CARMIL1: variants seen among roughly 807,000 people sequenced by gnomAD.
The protein encoded by CARMIL1 is F-actin-uncapping protein LRRC16A.
Under a neutral mutation model 177.1 loss-of-function variants are expected in CARMIL1, and 90 were observed. The ratio of observed to expected loss-of-function variants is 0.51; its 90% confidence interval spans 0.43 to 0.61. The LOEUF (loss-of-function observed/expected upper bound fraction) is 0.61. Among genes scored for constraint, CARMIL1 ranks in the 20% least tolerant of loss-of-function variants. The pLI is 0.00. For missense variants in CARMIL1, 1,380 were observed against 1,667.0 expected, an observed-to-expected ratio of 0.83 and a Z score of 3.00; for synonymous variants, 577 against 606.2, an observed-to-expected ratio of 0.95 and a Z score of 0.71.
rs184811769 is a variant in CARMIL1 at position 25,342,640 on chromosome 6, A to G, written c.138+57731A>G. On this transcript the variant is annotated intron_variant, in intron 2 of 36. Transcript: ENST00000329474. ...TTTATTTTATGTACTTATTATTACT[A>G]AGTTTTCTAGCACCTCCCAACTCAT... is the stretch of plus-strand genomic sequence containing the variant. 2.6e-3 allele frequency among the ~76,000 whole-genome samples: 401 copies of G among 152,218 alleles called. 2 individuals carry two copies. Among genetic ancestry groups the G allele is most frequent in the African/African-American group, 8.2e-3 (341 of 41,530 alleles).
At chr6:25,490,597 T>C (rs1384905312) in intron 13 of CARMIL1, among the ~76,000 whole-genome samples, 1 of 151,778 alleles carries the variant, frequency 6.6e-6, no homozygotes, top group African/African-American at 2.4e-5. Context: ...ACTCAGGAGG[T>C]TGAAGCGGGA....
intron 2 of CARMIL1, among the ~76,000 whole-genome samples, chr6:25,408,421 C>T (rs564705362): frequency 1.3e-5 from 2 of 151,796 alleles, no homozygotes; most frequent in East Asian, 1.9e-4. Flanking sequence ...ACAAGAAGGC[C>T]GAAGAATTCA....
chr6:25,578,323 T>A (rs1352037313), intron 29 of CARMIL1, among the ~76,000 whole-genome samples: 1 of 152,196 alleles, frequency 6.6e-6, no homozygotes, highest in East Asian at 1.9e-4. Context: ...CAGATTGTTT[T>A]CTTTTTCTGG....
chr6:25,439,194 G>A (rs554977084), intron 5 of CARMIL1, among the ~76,000 whole-genome samples: 2 of 151,894 alleles, frequency 1.3e-5, no homozygotes, highest in South Asian at 4.2e-4. Flanking sequence ...TGGGGGGTGG[G>A]ATCTGTAGCC....
chr6:25,578,205 T>C (rs75580845), intron 29 of CARMIL1, among the ~76,000 whole-genome samples: 6,880 of 152,176 alleles, frequency 0.045, 221 homozygotes, highest in Non-Finnish European at 0.076. Flanking sequence ...CATTAACAAA[T>C]GTCAGGGAAA....
intron 11 of CARMIL1, among the ~76,000 whole-genome samples, chr6:25,474,297 A>G (rs1306257027): frequency 6.7e-6 from 1 of 149,180 alleles, no homozygotes; most frequent in Non-Finnish European, 1.5e-5. Flanking sequence ...TTTTTTTTTT[A>G]GTAGAGATGG....
intron 2 of CARMIL1, chr6:25,388,171 CAA>C (rs1324932964): frequency 1.3e-5 from 2 of 151,688 alleles, no homozygotes; most frequent in Non-Finnish European, 2.9e-5. Flanking sequence ...TTCTTGATGT[CAA>C]GTTATGTTGG....
At chr6:25,614,293 T>G (rs1476214394) in intron 36 of CARMIL1, among the ~76,000 whole-genome samples, 1 of 152,200 alleles carries the variant, frequency 6.6e-6, no homozygotes, top group Non-Finnish European at 1.5e-5. Context: ...AAGCAAAGTC[T>G]ACAGGACAAG....
At chr6:25,610,701 G>A (rs182044563) in intron 36 of CARMIL1, among the ~76,000 whole-genome samples, 8 of 152,308 alleles carry the variant, frequency 5.3e-5, no homozygotes, top group Non-Finnish European at 8.8e-5. Flanking sequence ...TTCTCAGGGC[G>A]ACCCTGCACC....
chr6:25,449,420 G>C (rs1208348282), intron 5 of CARMIL1, among the ~76,000 whole-genome samples: 1 of 152,154 alleles, frequency 6.6e-6, no homozygotes, highest in Non-Finnish European at 1.5e-5. Context: ...TATGTTCTCT[G>C]CCCCAGAAGA....
intron 32 of CARMIL1, among the ~76,000 whole-genome samples, chr6:25,598,146 A>T (rs1037327068): frequency 2.0e-5 from 3 of 152,108 alleles, no homozygotes; most frequent in Non-Finnish European, 4.4e-5. Context: ...AGCCATTTCA[A>T]TCTGGAAACT....
chr6:25,359,135 T>G (rs1202721350), intron 2 of CARMIL1, among the ~76,000 whole-genome samples: 9 of 152,176 alleles, frequency 5.9e-5, no homozygotes, highest in Non-Finnish European at 1.5e-5. Context: ...TAGAAGGCTC[T>G]CTCTTGGCTT....
At chr6:25,319,582 C>T (rs1784530385) in intron 2 of CARMIL1, among the ~76,000 whole-genome samples, 1 of 151,846 alleles carries the variant, frequency 6.6e-6, no homozygotes, top group South Asian at 2.1e-4. Flanking sequence ...GTCTAACTGC[C>T]CTAATCTAAT....
intron 2 of CARMIL1, among the ~76,000 whole-genome samples, chr6:25,374,234 T>A (rs891015402): frequency 6.6e-5 from 10 of 152,230 alleles, no homozygotes; most frequent in African/African-American, 2.4e-4. Flanking sequence ...TGTGTATCAC[T>A]ATTATTCATT....
At chr6:25,603,486 G>A (rs984703791) in intron 33 of CARMIL1, among the ~76,000 whole-genome samples, 3 of 152,164 alleles carry the variant, frequency 2.0e-5, no homozygotes, top group Non-Finnish European at 2.9e-5. Flanking sequence ...GTGTGTGACT[G>A]GGGTAGATTG....
At chr6:25,592,493 A>G (rs1324362827) in intron 31 of CARMIL1, among the ~76,000 whole-genome samples, 1 of 152,192 alleles carries the variant, frequency 6.6e-6, no homozygotes, top group African/African-American at 2.4e-5. Context: ...GCTCTTGTGC[A>G]ACATGTAGGA....
chr6:25,349,231 T>C (rs1787854617), intron 2 of CARMIL1, among the ~76,000 whole-genome samples: 2 of 152,126 alleles, frequency 1.3e-5, no homozygotes. Context: ...ACTGGGACAG[T>C]TAGGCATGCC....
chr6:25,601,289 G>T (rs569927927), intron 33 of CARMIL1, among the ~76,000 whole-genome samples: 28 of 152,248 alleles, frequency 1.8e-4, no homozygotes, highest in African/African-American at 6.5e-4. Context: ...GTGGAGTGCC[G>T]GCATTCTAAC....
chr6:25,308,387 T>TC (rs1430191139), intron 2 of CARMIL1, among the ~76,000 whole-genome samples: 1 of 150,084 alleles, frequency 6.7e-6, no homozygotes, highest in East Asian at 2.0e-4. Context: ...ATTTTTTTTT[T>TC]TTTTTTTTTT....
Sources: allele counts gnomAD v4.1 joint callset (sites outside exome capture counted in the v4.1 genomes callset), GRCh38; gene constraint gnomAD v4.1.1; transcripts MANE v1.5; gene names NCBI Gene and HGNC (gene_info 2026-07-23, HGNC 2026-07-21).